Variants in KCNN1 observed in about 807,000 individuals in gnomAD.
KCNN1 encodes the protein small conductance calcium-activated potassium channel protein 1.
In KCNN1, 20 loss-of-function variants were observed where a neutral mutation model predicts 44.7. The ratio of observed to expected loss-of-function variants is 0.45; its 90% CI spans 0.32 to 0.65. The LOEUF is 0.65. Ranked by LOEUF, KCNN1 falls within the 30% of genes least tolerant of loss-of-function variation. KCNN1 has a pLI of 0.05. For missense variants in KCNN1, 632 were observed against 785.3 expected (o/e 0.80, Z 2.33); for synonymous variants, 324 against 341.7 (o/e 0.95, Z 0.57).
chr19:17,985,926 CA>C (rs2032579340), intron 5 of KCNN1, among the ~76,000 whole-genome samples: 1 of 152,216 alleles, frequency 6.6e-6, no homozygotes, highest in African/African-American at 2.4e-5. Flanking sequence ...ATGCCATGGA[CA>C]TGCTATAACT....
At chr19:17,991,124 G>A (rs932918823) in intron 7 of KCNN1, among the ~76,000 whole-genome samples, 5 of 151,332 alleles carry the variant, frequency 3.3e-5, no homozygotes, top group Non-Finnish European at 7.4e-5. Context: ...AAACCAGCCT[G>A]GGAAACATAG....
chr19:17,966,990 G>C, upstream of KCNN1: 1 of 324,660 alleles, frequency 3.1e-6, no homozygotes, highest in Non-Finnish European at 4.4e-6. Flanking sequence ...GCCGGGGAAT[G>C]TGGGATCTTT....
chr19:17,994,296 A>C (rs1358540802), intron 9 of KCNN1, among the ~76,000 whole-genome samples: 1 of 151,720 alleles, frequency 6.6e-6, no homozygotes, highest in Non-Finnish European at 1.5e-5. Context: ...AGAATAAAAA[A>C]ATTAACCAGG....
intron 3 of KCNN1, among the ~76,000 whole-genome samples, chr19:17,976,064 C>T (rs948810992): frequency 6.6e-6 from 1 of 152,162 alleles, no homozygotes; most frequent in African/African-American, 2.4e-5. Flanking sequence ...ACCTGTGATC[C>T]CAGCACTTTG....
intron 5 of KCNN1, among the ~76,000 whole-genome samples, chr19:17,987,019 C>A (rs1238352126): frequency 1.3e-5 from 2 of 151,716 alleles, no homozygotes; most frequent in East Asian, 3.9e-4. Flanking sequence ...GCTGGCCAGT[C>A]TGGTCTTGAA....
Position 17,993,638 on chromosome 19 carries a change from G to T in KCNN1, c.1377+79G>T. The T allele has an allele frequency of 8.3e-7, 1 of 1,197,900 alleles. No homozygotes were observed. The highest frequency in any genetic ancestry group is 1.2e-6 in the Non-Finnish European group (1 of 807,048). 74.2% of individuals were successfully genotyped at this position (1,197,900 alleles called of 1,614,324 possible). On this transcript the variant is annotated intron_variant, in intron 9 of 9. Coordinates refer to ENST00000684775, the MANE Select transcript of KCNN1 (RefSeq NM_001386974.1). This position sits in a 1 kb window ranked among gnomAD's most constrained non-coding sequence, Gnocchi z 4.5. Reference sequence around the variant, plus strand: ...GATGGGATGGGGCTCAGCTCCTGCCGGAGGAGGGCACAAGGACCCGCTGTG... The same window carrying T: ...GATGGGATGGGGCTCAGCTCCTGCCTGAGGAGGGCACAAGGACCCGCTGTG...
chr19:17,960,258 A>T (rs2031646802), intron 2 of KCNN1, among the ~76,000 whole-genome samples: 1 of 152,176 alleles, frequency 6.6e-6, no homozygotes, highest in Non-Finnish European at 1.5e-5. Context: ...GCCTAGAGTT[A>T]CAAGTCCCTT....
upstream of KCNN1, among the ~76,000 whole-genome samples, chr19:17,963,898 T>A (rs2031740169): frequency 1.3e-5 from 2 of 152,138 alleles, no homozygotes; most frequent in African/African-American, 2.4e-5. Flanking sequence ...AGCTAATTTT[T>A]AAAAAATTTT....
intron 1 of KCNN1, among the ~76,000 whole-genome samples, chr19:17,972,394 G>C (rs1242420511): frequency 6.6e-6 from 1 of 152,212 alleles, no homozygotes; most frequent in Non-Finnish European, 1.5e-5. Flanking sequence ...ACATTGCTCT[G>C]TAATCACACA....
rs73024700 is a variant in KCNN1 at position 17,998,095 on chromosome 19, G to A, written c.1378-57G>A. On this transcript the variant is annotated intron_variant, in intron 9 of 9. Transcript: ENST00000684775. This position sits in a 1 kb window ranked among gnomAD's most constrained non-coding sequence, Gnocchi z 5.4. ...TCTCTGTCATTGGTGTCGTGGTATC[G>A]TCCTTTCCTCTCTCACTCAGCGGCG... 72,816 of 1,495,260 alleles carry A rather than the reference G, an allele frequency of 0.049. 2,131 individuals carry two copies. Among genetic ancestry groups the A allele is most frequent in the African/African-American group, 0.099 (7,141 of 72,048 alleles). 92.6% of individuals were successfully genotyped at this position (1,495,260 alleles called of 1,614,324 possible). A position where few individuals can be genotyped will look rare whatever the true frequency, so the allele number is the denominator to read the frequency against.
intron 6 of KCNN1, among the ~76,000 whole-genome samples, chr19:17,989,052 G>A (rs1354408009): frequency 1.3e-5 from 2 of 152,148 alleles, no homozygotes; most frequent in African/African-American, 4.8e-5. Flanking sequence ...GAGCCAGACC[G>A]CCATATGCAA....
At chr19:17,985,574 G>T in intron 5 of KCNN1, 121 bp downstream of exon 5, 1 of 873,294 alleles carries the variant, frequency 1.1e-6, no homozygotes, top group Non-Finnish European at 1.6e-6. Context: ...CCTGATCAGC[G>T]TCCCTCCATC....
intron 2 of KCNN1, among the ~76,000 whole-genome samples, chr19:17,954,866 C>T (rs967963181): frequency 2.0e-5 from 3 of 151,692 alleles, no homozygotes; most frequent in East Asian, 1.9e-4. Flanking sequence ...GGCGAAACCC[C>T]GTGTCTACTA....
chr19:17,993,669 A>G lies in KCNN1; in HGVS notation c.1377+110A>G. On this transcript the variant is annotated intron_variant, in intron 9 of 9. Transcript: ENST00000684775. The surrounding 1 kb of genome is among the most constrained non-coding windows in gnomAD (Gnocchi z 4.5). ...GGGCACAAGGACCCGCTGTGGGCTG[A>G]GTGCAGTGGCGGGCGGATCGCTTGA... 1.2e-6 allele frequency: 1 copy of G among 852,502 alleles called. No individual in the cohort carries two copies. Among genetic ancestry groups the G allele is most frequent in the South Asian group, 1.4e-5 (1 of 71,566 alleles). The allele number at this position is 852,502 out of a possible 1,614,324, so 52.8% of individuals were successfully genotyped here.
chr19:17,998,620 G>A lies in KCNN1; in HGVS notation c.*214G>A. The A allele has an allele frequency of 2.0e-6, 1 of 488,840 alleles. No individual in the cohort carries two copies. The highest frequency in any genetic ancestry group is 3.5e-6 in the Non-Finnish European group (1 of 285,220). 30.3% of individuals were successfully genotyped at this position (488,840 alleles called of 1,614,324 possible). Reference sequence around the variant, plus strand: ...GCCCGGAGCTTCCTCTGGTCACCTGGTCCCCCGACTCTCCCCAGGCCCCCG... The same window carrying A: ...GCCCGGAGCTTCCTCTGGTCACCTGATCCCCCGACTCTCCCCAGGCCCCCG... On this transcript the variant is annotated 3_prime_UTR_variant, in exon 10 of 10. Transcript: ENST00000684775. The surrounding 1 kb of genome is among the most constrained non-coding windows in gnomAD (Gnocchi z 5.4).
intron 9 of KCNN1, among the ~76,000 whole-genome samples, chr19:17,995,787 T>C (rs987734144): frequency 1.3e-5 from 2 of 151,804 alleles, no homozygotes; most frequent in African/African-American, 4.8e-5. Context: ...GGTTTCACCA[T>C]GTTGGCCAGG....
chr19:17,991,604 G>A (rs1599377939), intron 7 of KCNN1, among the ~76,000 whole-genome samples: 1 of 152,128 alleles, frequency 6.6e-6, no homozygotes, highest in Non-Finnish European at 1.5e-5. Context: ...ATGGTGGCAC[G>A]TGCCTGTAGG....
In KCNN1 at chr19:17,983,059, G is replaced by A. The variant is rs550458570; in HGVS notation, c.917+932G>A. 2.6e-5 allele frequency among the ~76,000 whole-genome samples: 4 copies of A among 152,112 alleles called. No individual in the cohort carries two copies. The highest frequency in any genetic ancestry group is 4.1e-4 in the South Asian group (2 of 4,826). On this transcript the variant is annotated intron_variant, in intron 4 of 9. Coordinates refer to ENST00000684775, the MANE Select transcript of KCNN1 (RefSeq NM_001386974.1). This position sits in a 1 kb window ranked among gnomAD's most constrained non-coding sequence, Gnocchi z 4.5. Reference sequence around the variant, plus strand: ...AATGGGTCTGGGATGAAGGAAAACCGGCCGTGCCTTTGGGACCTCCAAGCA... The same window carrying A: ...AATGGGTCTGGGATGAAGGAAAACCAGCCGTGCCTTTGGGACCTCCAAGCA...
chr19:17,991,857 G>A (rs1377575735), intron 7 of KCNN1, among the ~76,000 whole-genome samples: 1 of 152,146 alleles, frequency 6.6e-6, no homozygotes, highest in South Asian at 2.1e-4. Flanking sequence ...AGGCAGGGAA[G>A]CAGTGAGGAT....
Sources: gnomAD v4.1 joint callset for allele counts (sites outside exome capture counted in the v4.1 genomes callset) on GRCh38, gnomAD v4.1.1 for gene constraint, Gnocchi (gnomAD v3.1) non-coding constraint, MANE v1.5 for transcripts, NCBI Gene and HGNC (gene_info 2026-07-23, HGNC 2026-07-21) for gene names.